Variants in MBNL3 observed in about 807,000 individuals in gnomAD.
MBNL3 encodes the protein muscleblind-like protein 3.
Under a neutral mutation model 24.5 loss-of-function variants are expected in MBNL3, and 6 were observed. That is an observed-to-expected ratio of 0.25 (90% CI 0.13 to 0.48). MBNL3 has a LOEUF of 0.48. MBNL3 is among the 20% of genes least tolerant of loss of function. The probability of loss-of-function intolerance (pLI) is 0.99; values close to 1 mark genes in which losing one functional copy is unlikely to be tolerated. For missense variants in MBNL3, 230 were observed against 293.5 expected (o/e 0.78, Z 1.58); for synonymous variants, 100 against 101.7 (o/e 0.98, Z 0.10).
At chrX:132,429,299 A>G (rs1323365944) in intron 2 of MBNL3, among the ~76,000 whole-genome samples, 1 of 112,484 alleles carries the variant, frequency 8.9e-6, no homozygotes, top group Non-Finnish European at 1.9e-5. Context: ...TAATGAGTAT[A>G]TAACAGAATC....
At chrX:132,465,242 A>G (rs975746986) in intron 1 of MBNL3, among the ~76,000 whole-genome samples, 12 of 111,694 alleles carry the variant, frequency 1.1e-4, no homozygotes, top group African/African-American at 3.9e-4. Context: ...CACATCTTGT[A>G]AGCTGTAAGC....
chrX:132,456,539 T>A (rs1190430981), intron 1 of MBNL3, among the ~76,000 whole-genome samples: 2 of 112,258 alleles, frequency 1.8e-5, no homozygotes, highest in Non-Finnish European at 3.8e-5. Context: ...CATTTTATAT[T>A]CATTTTCTCA....
At chrX:132,404,182 C>T (rs922718771) in intron 3 of MBNL3, among the ~76,000 whole-genome samples, 2 of 111,777 alleles carry the variant, frequency 1.8e-5, no homozygotes, top group South Asian at 7.5e-4. Flanking sequence ...ACAATGTATA[C>T]GTCTAACAAA....
rs1301520024 is a variant in MBNL3, at chrX:132,385,637, T to C, written c.923-939A>G. 3.6e-5 allele frequency among the ~76,000 whole-genome samples: 4 copies of C among 110,982 alleles called. No individual in the cohort carries two copies. The East Asian group carries it at 8.4e-4, about 23-fold the overall frequency. On this transcript the variant is annotated intron_variant, in intron 6 of 8. Coordinates refer to ENST00000370853, the MANE Select transcript of MBNL3 (RefSeq NM_001386889.1). ...AGAAAGTGCTGAAGAATTCCATATT[T>C]CCTCTCAGAAACTATCATATAAATG...
At chrX:132,390,752 A>G in intron 5 of MBNL3, 95 bp downstream of exon 5, 2 of 697,045 alleles carry the variant, frequency 2.9e-6, no homozygotes, top group Non-Finnish European at 4.4e-6. Context: ...TCCTCTCATG[A>G]CCATCCATGA....
chrX:132,410,027 G>GA (rs776555017), intron 2 of MBNL3, among the ~76,000 whole-genome samples: 1 of 111,567 alleles, frequency 9.0e-6, no homozygotes, highest in African/African-American at 3.3e-5. Flanking sequence ...GACTGTCTTT[G>GA]AAAAATGCAC....
At chrX:132,476,228 T>C (rs2148531073) in intron 1 of MBNL3, among the ~76,000 whole-genome samples, 1 of 111,452 alleles carries the variant, frequency 9.0e-6, no homozygotes, top group Non-Finnish European at 1.9e-5. Flanking sequence ...AACATGATTA[T>C]ATTTATTTTT....
At chrX:132,424,519 C>T (rs1176174729) in intron 2 of MBNL3, among the ~76,000 whole-genome samples, 1 of 111,549 alleles carries the variant, frequency 9.0e-6, no homozygotes, top group African/African-American at 3.3e-5. Context: ...TTTGCTTCAA[C>T]GAAAGCAGAG....
At chrX:132,382,296 C>T in intron 7 of MBNL3, 24 bp from the exon 8 acceptor site, 1 of 1,129,728 alleles carries the variant, frequency 8.9e-7, no homozygotes, top group Non-Finnish European at 1.2e-6. Flanking sequence ...ACCATAGAAG[C>T]AACACACGGG....
At chrX:132,398,323 C>A (rs770293617) in intron 3 of MBNL3, among the ~76,000 whole-genome samples, 4 of 111,508 alleles carry the variant, frequency 3.6e-5, no homozygotes, top group Non-Finnish European at 7.5e-5. Context: ...AGGAAGAGAG[C>A]AAATGATTGA....
At chrX:132,470,069 C>A (rs1378245767) in intron 1 of MBNL3, among the ~76,000 whole-genome samples, 2 of 111,423 alleles carry the variant, frequency 1.8e-5, no homozygotes, top group Non-Finnish European at 3.8e-5. Context: ...AATATTATTC[C>A]ATTGTATGGG....
At chrX:132,392,880 G>A (rs1937412144) in intron 3 of MBNL3, among the ~76,000 whole-genome samples, 1 of 111,699 alleles carries the variant, frequency 9.0e-6, no homozygotes, top group South Asian at 3.8e-4. Context: ...GCAAGGAGTT[G>A]AGGAAGAAAG....
chrX:132,397,983 T>C (rs991678445), intron 3 of MBNL3, among the ~76,000 whole-genome samples: 1 of 111,097 alleles, frequency 9.0e-6, no homozygotes, highest in Non-Finnish European at 1.9e-5. Flanking sequence ...GTTTAAGTAC[T>C]AATCGTACTT....
chrX:132,406,273 G>T lies in MBNL3; in HGVS notation c.297C>A (p.Ala99=). ...IQQKTAAAMF[A]QQMQLMLQNA... Reference sequence around the variant, plus strand: ...TTTGGAGCATAAGCTGCATCTGCTGGGCGAACATGGCTGCGGCAGTCTTCT... The same window carrying T: ...TTTGGAGCATAAGCTGCATCTGCTGTGCGAACATGGCTGCGGCAGTCTTCT... The change falls in exon 3 of 9, where the codon GCC becomes GCA. Residue 99 remains alanine, a synonymous_variant. Coordinates refer to ENST00000370853, the MANE Select transcript of MBNL3 (RefSeq NM_001386889.1). 8.3e-7 allele frequency: 1 copy of T among 1,211,549 alleles called. No individual in the cohort carries two copies. Among genetic ancestry groups the T allele is most frequent in the Non-Finnish European group, 1.1e-6 (1 of 895,352 alleles).
chrX:132,413,287 A>G (rs1603224825), intron 2 of MBNL3, among the ~76,000 whole-genome samples: 1 of 111,617 alleles, frequency 9.0e-6, no homozygotes, highest in South Asian at 3.7e-4. Flanking sequence ...CTCTCTAGAG[A>G]TGCCAGGTTT....
rs1003665524 is a variant in MBNL3 at position 132,376,407 on chromosome X, CT to C, written c.*3258del. The C allele has an allele frequency of 2.7e-5, 3 of 111,331 alleles. No individual in the cohort carries two copies. Among genetic ancestry groups the C allele is most frequent in the Non-Finnish European group, 3.8e-5 (2 of 52,866 alleles). 9.2% of individuals were successfully genotyped at this position (111,331 alleles called of 1,213,427 possible). ...ATACGTATGTTATGGTCACATAGTACTTTTTTAAAAAGTTGACACTACTAAA... is the reference window on the plus strand; with the variant it reads ...ATACGTATGTTATGGTCACATAGTACTTTTTAAAAAGTTGACACTACTAAA... On this transcript the variant is annotated 3_prime_UTR_variant, in exon 9 of 9. Coordinates refer to ENST00000370853, the MANE Select transcript of MBNL3 (RefSeq NM_001386889.1).
At chrX:132,466,958 G>C (rs1946917874) in intron 1 of MBNL3, among the ~76,000 whole-genome samples, 1 of 111,415 alleles carries the variant, frequency 9.0e-6, no homozygotes, top group Admixed American at 9.6e-5. Context: ...GTCAGGGAGT[G>C]AGCATTGGAA....
chrX:132,463,453 A>G (rs143489610), intron 1 of MBNL3, among the ~76,000 whole-genome samples: 2,609 of 112,054 alleles, frequency 0.023, 61 homozygotes, highest in African/African-American at 0.08. Context: ...GACAGAGCGA[A>G]ACTCCGTCTC....
intron 1 of MBNL3, among the ~76,000 whole-genome samples, chrX:132,480,873 C>A (rs912441283): frequency 2.7e-5 from 3 of 111,687 alleles, no homozygotes; most frequent in Non-Finnish European, 5.6e-5. Context: ...CAATCCCAGA[C>A]CACAAAGCTG....
Sources: gnomAD v4.1 joint callset for allele counts (sites outside exome capture counted in the v4.1 genomes callset) on GRCh38, gnomAD v4.1.1 for gene constraint, MANE v1.5 for transcripts, NCBI Gene and HGNC (gene_info 2026-07-23, HGNC 2026-07-21) for gene names.